KLC2: variants seen among roughly 807,000 people sequenced by gnomAD.
KLC2 encodes the protein KLC 2.
Under a neutral mutation model 75.1 loss-of-function variants are expected in KLC2, and 35 were observed. The observed-to-expected ratio is 0.47, with a 90% CI of 0.36 to 0.62. The LOEUF is 0.62. Among genes scored for constraint, KLC2 ranks in the 20% least tolerant of loss-of-function variants. KLC2 has a pLI of 0.00. For synonymous variants in KLC2, 314 were observed against 336.7 expected, an observed-to-expected ratio of 0.93 and a Z score of 0.74; for missense variants, 611 against 833.2, an observed-to-expected ratio of 0.73 and a Z score of 3.28.
upstream of KLC2, among the ~76,000 whole-genome samples, chr11:66,252,308 CAG>C (rs1312879344): frequency 2.0e-5 from 3 of 152,248 alleles, no homozygotes; most frequent in African/African-American, 4.8e-5. Flanking sequence ...GTTTTTGAGA[CAG>C]AGTCTCGCTC....
In KLC2 at chr11:66,262,850, A is replaced by C; in HGVS notation, c.566A>C (p.His189Pro). 1 of 1,613,428 alleles carries C rather than the reference A, an allele frequency of 6.2e-7. No homozygotes were observed. The highest frequency in any genetic ancestry group is 1.1e-5 in the South Asian group (1 of 91,076). Residue 189 changes from histidine to proline, a missense_variant, in exon 5 of 16, where the codon CAT becomes CCT. Physicochemically the swap from His to Pro is moderately conservative, Grantham distance 77. Transcript: ENST00000394067. ...SPGGGDVSGQ[H>P]GGYEIPARLR... ...GGAGGAGGGGATGTGTCTGGTCAGC[A>C]TGGGGGCTACGAGATCCCGGCCCGG...
intron 6 of KLC2, 24 bp from the exon 7 acceptor site, chr11:66,263,827 A>C: frequency 6.2e-7 from 1 of 1,610,642 alleles, no homozygotes; most frequent in Non-Finnish European, 8.5e-7. Context: ...CTGAGTCAAG[A>C]AGCTTCCGTT....
At position 66,267,041 on chromosome 11, in the gene KLC2, C is replaced by A; in HGVS notation, c.*85C>A. The A allele has an allele frequency of 6.3e-7, 1 of 1,585,322 alleles. No homozygotes were observed. The highest frequency in any genetic ancestry group is 1.8e-5 in the Admixed American group (1 of 56,578). On this transcript the variant is annotated 3_prime_UTR_variant, in exon 16 of 16. Coordinates refer to ENST00000394067, the MANE Select transcript of KLC2 (RefSeq NM_001318734.2). ...CTGCGCATGGGCCTGCTGCTTGTCC[C>A]GCCTGTCTCTCCCACAGCCCCTGTC...
chr11:66,264,531 C>A, intron 9 of KLC2, 87 bp downstream of exon 9: 1 of 979,002 alleles, frequency 1.0e-6, no homozygotes, highest in Non-Finnish European at 1.6e-6. Context: ...CTCAGCAGGG[C>A]AGGCCCTCAG....
chr11:66,250,515 C>T, the KLC2 span, among the ~76,000 whole-genome samples: 8 of 152,128 alleles, frequency 5.3e-5, no homozygotes, highest in Admixed American at 6.5e-5. Context: ...CCTACTAGTT[C>T]GTGTCCTAGG....
intron 2 of KLC2, 176 bp from the exon 3 acceptor site, chr11:66,261,564 GGT>G: frequency 3.4e-6 from 2 of 586,018 alleles, no homozygotes; most frequent in Non-Finnish European, 6.1e-6. Flanking sequence ...TTTGCATTAT[GGT>G]GTGTCGGGGG....
At chr11:66,249,385 T>G in the KLC2 span, among the ~76,000 whole-genome samples, 1 of 152,208 alleles carries the variant, frequency 6.6e-6, no homozygotes, top group African/African-American at 2.4e-5. Context: ...AGGTGTTGAT[T>G]ATCCCTACAT....
upstream of KLC2, among the ~76,000 whole-genome samples, chr11:66,255,629 G>A (rs1006437530): frequency 2.6e-5 from 4 of 152,212 alleles, no homozygotes; most frequent in Admixed American, 2.6e-4. Context: ...CACAAGCTCA[G>A]CACTGATGCA....
At chr11:66,266,652 C>T in intron 15 of KLC2, 162 bp downstream of exon 15, 3 of 882,216 alleles carry the variant, frequency 3.4e-6, no homozygotes, top group South Asian at 1.4e-5. Context: ...GGAACCCAGC[C>T]TCTCCTGGGG....
chr11:66,261,326 T>C (rs1856399363), intron 2 of KLC2: 1 of 161,432 alleles, frequency 6.2e-6, no homozygotes, highest in Non-Finnish European at 1.4e-5. Flanking sequence ...ATGGAGTCTT[T>C]GGGTGGTCCT....
chr11:66,263,132 A>C, intron 5 of KLC2, 96 bp downstream of exon 5: 1 of 838,508 alleles, frequency 1.2e-6, no homozygotes, highest in African/African-American at 1.7e-5. Flanking sequence ...CTCGTGGCCC[A>C]CCTGCGTGGA....
chr11:66,265,912 G>C lies in KLC2; in HGVS notation c.1502G>C (p.Arg501Thr). Residue 501 changes from arginine to threonine, a missense_variant, in exon 13 of 16, where the codon AGG becomes ACG. Transcript: ENST00000394067. Reference sequence around the variant, plus strand: ...GAACTGCTGAAAGATGGCAGTGGCAGGCGGGGAGACCGCCGCAGCAGCCGA... The same window carrying C: ...GAACTGCTGAAAGATGGCAGTGGCACGCGGGGAGACCGCCGCAGCAGCCGA... Reference protein sequence around the residue: ...VVELLKDGSGRRGDRRSSRDM... With the variant: ...VVELLKDGSGTRGDRRSSRDM... 6.3e-7 allele frequency: 1 copy of C among 1,582,546 alleles called. No individual in the cohort carries two copies. The highest frequency in any genetic ancestry group is 8.6e-7 in the Non-Finnish European group (1 of 1,161,564).
the KLC2 span, among the ~76,000 whole-genome samples, chr11:66,245,641 A>G: frequency 6.6e-6 from 1 of 151,872 alleles, no homozygotes; most frequent in African/African-American, 2.4e-5. Context: ...ACTTGAACTC[A>G]GGAGGTGGAG....
Position 66,264,029 on chromosome 11 carries a change from T to G in KLC2, c.943-17T>G. The G allele has an allele frequency of 6.2e-7, 1 of 1,609,666 alleles. No individual in the cohort carries two copies. Among genetic ancestry groups the G allele is most frequent in the Non-Finnish European group, 8.5e-7 (1 of 1,177,710 alleles). On this transcript the variant is annotated splice_polypyrimidine_tract_variant and intron_variant, in intron 7 of 15. Coordinates refer to ENST00000394067, the MANE Select transcript of KLC2 (RefSeq NM_001318734.2). ...GGCAGCCCTGAGCCCAACCCCTGGCTCCCTCTCCCATCCCAGGTCCTGGGC... is the reference window on the plus strand; with the variant it reads ...GGCAGCCCTGAGCCCAACCCCTGGCGCCCTCTCCCATCCCAGGTCCTGGGC...
chr11:66,265,140 C>G, intron 10 of KLC2, 28 bp from the exon 11 acceptor site: 1 of 1,611,994 alleles, frequency 6.2e-7, no homozygotes, highest in Non-Finnish European at 8.5e-7. Context: ...GGCCTGCTCT[C>G]ACTTCTTGTG....
chr11:66,265,782 G>T lies in KLC2; in HGVS notation c.1443+19G>T. On this transcript the variant is annotated intron_variant, in intron 12 of 15. Coordinates refer to ENST00000394067, the MANE Select transcript of KLC2 (RefSeq NM_001318734.2). ...CAAGCAGGTGGGGCTCCATGCAGGAGGGGGTGGGCAGACACCTGTGTGGCC... is the reference window on the plus strand; with the variant it reads ...CAAGCAGGTGGGGCTCCATGCAGGATGGGGTGGGCAGACACCTGTGTGGCC... 1 of 1,610,924 alleles carries T rather than the reference G, an allele frequency of 6.2e-7. No homozygotes were observed. Among genetic ancestry groups the T allele is most frequent in the Non-Finnish European group, 8.5e-7 (1 of 1,178,002 alleles).
chr11:66,256,908 C>T (rs1430335234), upstream of KLC2, among the ~76,000 whole-genome samples: 1 of 152,132 alleles, frequency 6.6e-6, no homozygotes, highest in Non-Finnish European at 1.5e-5. Flanking sequence ...CCCAGACGGA[C>T]AAGCTAGACT....
In KLC2 at chr11:66,258,842, T is replaced by C. The variant is rs772513334; in HGVS notation, c.228+20T>C. ...GCCCAGGTAGGTCAGTCTGGGGCAC[T>C]GAGGTGGGAGGTCACTGGAGGGATC... On this transcript the variant is annotated intron_variant, in intron 2 of 15. Transcript: ENST00000394067. The C allele has an allele frequency of 6.4e-7, 1 of 1,559,556 alleles. No homozygotes were observed. Among genetic ancestry groups the C allele is most frequent in the Admixed American group, 1.7e-5 (1 of 59,268 alleles).
upstream of KLC2, among the ~76,000 whole-genome samples, chr11:66,255,364 A>G (rs547623436): frequency 1.3e-5 from 2 of 152,176 alleles, no homozygotes; most frequent in East Asian, 3.9e-4. Flanking sequence ...TAGTTTTTGT[A>G]TTTTTGTAGA....
Sources: gnomAD v4.1 joint callset for allele counts (sites outside exome capture counted in the v4.1 genomes callset) on GRCh38, gnomAD v4.1.1 for gene constraint, MANE v1.5 for transcripts, NCBI Gene and HGNC (gene_info 2026-07-23, HGNC 2026-07-21) for gene names.